The following CACNA2D3 variants were observed in gnomAD, a reference collection of about 807,000 sequenced individuals.
The protein encoded by CACNA2D3 is calcium voltage-gated channel auxiliary subunit alpha2delta 3.
In CACNA2D3, 60 loss-of-function variants were observed where a neutral mutation model predicts 160.6. The observed-to-expected ratio is 0.37, with a 90% CI of 0.30 to 0.46. CACNA2D3 has a LOEUF of 0.46. Among genes scored for constraint, CACNA2D3 ranks in the 20% least tolerant of loss-of-function variants. CACNA2D3 has a pLI of 1.00. For synonymous variants in CACNA2D3, 558 were observed against 492.9 expected, an observed-to-expected ratio of 1.13 and a Z score of -1.75; for missense variants, 1,205 against 1,365.0, an observed-to-expected ratio of 0.88 and a Z score of 1.85.
At chr3:54,194,687 T>G (rs900796811) in intron 2 of CACNA2D3, among the ~76,000 whole-genome samples, 51 of 152,316 alleles carry the variant, frequency 3.3e-4, no homozygotes, top group African/African-American at 1.2e-3. Flanking sequence ...GCAGGTTTGG[T>G]TTCACGTGAA....
At chr3:54,950,292 T>C (rs1701726366) in intron 27 of CACNA2D3, among the ~76,000 whole-genome samples, 1 of 152,172 alleles carries the variant, frequency 6.6e-6, no homozygotes, top group African/African-American at 2.4e-5. Context: ...GTAGATGTTA[T>C]TTTAGTGCTG....
intron 4 of CACNA2D3, among the ~76,000 whole-genome samples, chr3:54,465,957 A>G (rs1370703106): frequency 1.3e-5 from 2 of 152,120 alleles, no homozygotes; most frequent in Non-Finnish European, 2.9e-5. Context: ...TCATATGGTT[A>G]TGAGACTGAG....
chr3:54,474,866 C>G (rs955561455), intron 4 of CACNA2D3, among the ~76,000 whole-genome samples: 1 of 152,116 alleles, frequency 6.6e-6, no homozygotes, highest in Non-Finnish European at 1.5e-5. Context: ...GTTTTAATAT[C>G]ATTTGGTTGA....
chr3:54,329,892 G>A (rs1704206933), intron 3 of CACNA2D3, among the ~76,000 whole-genome samples: 1 of 152,098 alleles, frequency 6.6e-6, no homozygotes, highest in Non-Finnish European at 1.5e-5. Flanking sequence ...GTACTTTTTT[G>A]GTCTTTACTC....
At chr3:54,510,937 C>A (rs1293341710) in intron 5 of CACNA2D3, among the ~76,000 whole-genome samples, 1 of 152,156 alleles carries the variant, frequency 6.6e-6, no homozygotes, top group African/African-American at 2.4e-5. Flanking sequence ...CTTCCCCAAG[C>A]CCAGACCCCT....
intron 17 of CACNA2D3, among the ~76,000 whole-genome samples, chr3:54,865,042 G>C (rs1395642154): frequency 6.6e-6 from 1 of 152,238 alleles, no homozygotes; most frequent in Non-Finnish European, 1.5e-5. Flanking sequence ...AGTGCAGGGG[G>C]AAACTGCCCA....
At chr3:54,258,734 C>A (rs1396703987) in intron 2 of CACNA2D3, among the ~76,000 whole-genome samples, 1 of 152,112 alleles carries the variant, frequency 6.6e-6, no homozygotes, top group East Asian at 1.9e-4. Context: ...GTAAGTGATT[C>A]TGTTTCTGCT....
At chr3:54,843,127 A>G (rs1355642829) in intron 16 of CACNA2D3, among the ~76,000 whole-genome samples, 1 of 151,248 alleles carries the variant, frequency 6.6e-6, no homozygotes, top group Non-Finnish European at 1.5e-5. Flanking sequence ...ATGCCTGGCT[A>G]ATTTTTGTAT....
intron 17 of CACNA2D3, among the ~76,000 whole-genome samples, chr3:54,859,711 G>A (rs1449352249): frequency 1.3e-5 from 2 of 152,038 alleles, no homozygotes; most frequent in African/African-American, 4.8e-5. Context: ...ATGACAAACG[G>A]ACCTACCAGC....
chr3:54,500,584 TTC>T (rs1362822882), intron 4 of CACNA2D3, among the ~76,000 whole-genome samples: 1 of 139,002 alleles, frequency 7.2e-6, no homozygotes, highest in Non-Finnish European at 1.7e-5. Flanking sequence ...TTTCATTCCT[TTC>T]TTTCTTTCTC....
At chr3:54,802,043 G>C (rs940526830) in intron 13 of CACNA2D3, among the ~76,000 whole-genome samples, 1 of 152,170 alleles carries the variant, frequency 6.6e-6, no homozygotes, top group Non-Finnish European at 1.5e-5. Context: ...ATGTTTGTTT[G>C]CTTTTATTGA....
At chr3:54,746,965 A>C (rs1228823799) in intron 11 of CACNA2D3, among the ~76,000 whole-genome samples, 1 of 152,128 alleles carries the variant, frequency 6.6e-6, no homozygotes. Flanking sequence ...GGTTGACACA[A>C]GCTTTTTAAA....
At position 54,331,062 on chromosome 3, in the gene CACNA2D3, G is replaced by A. The variant is rs74709862; in HGVS notation, c.321+10504G>A. Among the ~76,000 whole-genome samples the A allele has an allele frequency of 8.2e-3, 1,251 of 152,228 alleles. 16 individuals carry two copies. The highest frequency in any genetic ancestry group is 0.029 in the African/African-American group (1,191 of 41,530). On this transcript the variant is annotated intron_variant, in intron 3 of 37. Coordinates refer to ENST00000474759, the MANE Select transcript of CACNA2D3 (RefSeq NM_018398.3). ...GAGCATTCATTTTCATGGGAATTTC[G>A]TCATTGGAGATGGGGAAATAAAAAA... is the stretch of plus-strand genomic sequence containing the variant.
At chr3:54,834,025 A>G (rs1473966059) in intron 14 of CACNA2D3, among the ~76,000 whole-genome samples, 1 of 152,208 alleles carries the variant, frequency 6.6e-6, no homozygotes, top group Non-Finnish European at 1.5e-5. Flanking sequence ...TTTCAGTACA[A>G]ATGCAATATT....
chr3:54,438,656 G>A (rs1411797721), intron 4 of CACNA2D3, among the ~76,000 whole-genome samples: 1 of 152,184 alleles, frequency 6.6e-6, no homozygotes, highest in Non-Finnish European at 1.5e-5. Flanking sequence ...GACAAAGGGA[G>A]TATTGTATTT....
intron 4 of CACNA2D3, among the ~76,000 whole-genome samples, chr3:54,400,801 G>C (rs1442375693): frequency 6.6e-6 from 1 of 152,174 alleles, no homozygotes; most frequent in Non-Finnish European, 1.5e-5. Flanking sequence ...TGTTTCACCA[G>C]ATGTGCAGAC....
intron 2 of CACNA2D3, among the ~76,000 whole-genome samples, chr3:54,127,035 C>G (rs1438676553): frequency 7.2e-5 from 11 of 152,184 alleles, no homozygotes; most frequent in Admixed American, 5.2e-4. Flanking sequence ...CTAACAATCA[C>G]AATCAAAGGC....
intron 3 of CACNA2D3, among the ~76,000 whole-genome samples, chr3:54,373,603 C>T (rs967585494): frequency 1.3e-5 from 2 of 152,158 alleles, no homozygotes; most frequent in African/African-American, 4.8e-5. Flanking sequence ...AGGGATGCAA[C>T]TTTAAACAAC....
At chr3:54,591,698 A>G (rs1702863833) in intron 9 of CACNA2D3, among the ~76,000 whole-genome samples, 2 of 151,468 alleles carry the variant, frequency 1.3e-5, no homozygotes, top group South Asian at 4.2e-4. Context: ...ATCTGAGTCC[A>G]GGGTTGGCAG....
Sources: allele counts gnomAD v4.1 joint callset (sites outside exome capture counted in the v4.1 genomes callset), GRCh38; gene constraint gnomAD v4.1.1; transcripts MANE v1.5; gene names NCBI Gene and HGNC (gene_info 2026-07-23, HGNC 2026-07-21).